Variants in LRRC28 observed in about 807,000 individuals in gnomAD.
LRRC28 encodes leucine rich repeat containing 28.
LRRC28 carries 39 observed loss-of-function variants against 45.7 expected under a neutral mutation model. That is an observed-to-expected ratio of 0.85 (90% CI 0.66 to 1.12). LRRC28 has a LOEUF of 1.12. Among genes scored for constraint, LRRC28 ranks in the 50% most tolerant of loss-of-function variants. The probability of loss-of-function intolerance (pLI) is 0.00; values close to 1 mark genes in which losing one functional copy is unlikely to be tolerated. For synonymous variants in LRRC28, 206 were observed against 178.8 expected (o/e 1.15, Z -1.22); for missense variants, 435 against 438.5 (o/e 0.99, Z 0.07).
At chr15:99,303,582 C>G (rs1341927718) in intron 5 of LRRC28, among the ~76,000 whole-genome samples, 1 of 152,114 alleles carries the variant, frequency 6.6e-6, no homozygotes, top group Admixed American at 6.5e-5. Flanking sequence ...GCCTACAATC[C>G]TAGCACTTTG....
chr15:99,340,503 T>C lies in LRRC28; in HGVS notation c.592+6374T>C, dbSNP rs1372711490. Among the ~76,000 whole-genome samples, 3 of 152,192 alleles carry C rather than the reference T, an allele frequency of 2.0e-5. No individual in the cohort carries two copies. The East Asian group carries it at 5.8e-4, about 29-fold the overall frequency. On this transcript the variant is annotated intron_variant, in intron 6 of 9. Coordinates refer to ENST00000301981, the MANE Select transcript of LRRC28 (RefSeq NM_144598.5). ...AACTTCAATCAACTATTGAAACGAG[T>C]TGGAAACCAGTTAATAATTTCCTAA...
At chr15:99,315,590 C>T (rs893276267) in intron 5 of LRRC28, among the ~76,000 whole-genome samples, 4 of 152,120 alleles carry the variant, frequency 2.6e-5, no homozygotes, top group Admixed American at 6.6e-5. Flanking sequence ...TTGAACCAAT[C>T]ATTTTTTTCT....
At chr15:99,259,086 A>T (rs1446801539) in intron 2 of LRRC28, 8 of 1,145,300 alleles carry the variant, frequency 7.0e-6, no homozygotes, top group Non-Finnish European at 9.3e-6. Context: ...TTTGGTACCA[A>T]CATTAAGCTT....
At chr15:99,356,650 A>G (rs983054531) in intron 7 of LRRC28, among the ~76,000 whole-genome samples, 1 of 152,254 alleles carries the variant, frequency 6.6e-6, no homozygotes, top group Admixed American at 6.5e-5. Flanking sequence ...TTGAAGAAAT[A>G]ATGTTTAAAA....
chr15:99,317,719 T>C (rs1955647064), intron 5 of LRRC28, among the ~76,000 whole-genome samples: 2 of 151,894 alleles, frequency 1.3e-5, no homozygotes, highest in Admixed American at 6.6e-5. Flanking sequence ...GAACATAAAC[T>C]TAATTTGGAA....
chr15:99,299,067 C>G (rs2082333480), intron 5 of LRRC28, among the ~76,000 whole-genome samples: 1 of 152,178 alleles, frequency 6.6e-6, no homozygotes, highest in Non-Finnish European at 1.5e-5. Flanking sequence ...GGAGTAATTT[C>G]TACCATACCG....
intron 5 of LRRC28, among the ~76,000 whole-genome samples, chr15:99,291,763 T>C (rs2082128145): frequency 1.3e-5 from 2 of 152,362 alleles, no homozygotes; most frequent in African/African-American, 4.8e-5. Context: ...GTTTTCAAAG[T>C]GGTTATGCCA....
chr15:99,379,026 T>C (rs1957733765), intron 9 of LRRC28, among the ~76,000 whole-genome samples: 1 of 151,274 alleles, frequency 6.6e-6, no homozygotes, highest in Non-Finnish European at 1.5e-5. Context: ...CTCGCCAGGC[T>C]TTGGTATCAG....
intron 9 of LRRC28, among the ~76,000 whole-genome samples, chr15:99,373,664 T>C (rs563549651): frequency 3.9e-5 from 6 of 152,214 alleles, no homozygotes; most frequent in African/African-American, 1.2e-4. Context: ...CCCAGCCAAC[T>C]TTAATTTTTT....
chr15:99,312,523 AT>A (rs1045788771), intron 5 of LRRC28, among the ~76,000 whole-genome samples: 3 of 152,078 alleles, frequency 2.0e-5, no homozygotes, highest in African/African-American at 4.8e-5. Context: ...TTTACAATTA[AT>A]TTTTTTTATA....
chr15:99,305,964 G>C (rs1464035171), intron 5 of LRRC28, among the ~76,000 whole-genome samples: 1 of 152,214 alleles, frequency 6.6e-6, no homozygotes, highest in Non-Finnish European at 1.5e-5. Flanking sequence ...GCCTTGAGTG[G>C]TAGTAGTTCA....
intron 9 of LRRC28, among the ~76,000 whole-genome samples, chr15:99,382,888 G>C (rs1165352158): frequency 6.6e-6 from 1 of 151,760 alleles, no homozygotes; most frequent in African/African-American, 2.4e-5. Context: ...CTGAGAGTAA[G>C]GTATTGAAGT....
intron 5 of LRRC28, among the ~76,000 whole-genome samples, chr15:99,317,935 A>T (rs1340385713): frequency 6.6e-6 from 1 of 152,198 alleles, no homozygotes; most frequent in East Asian, 1.9e-4. Flanking sequence ...GTGCACAACA[A>T]AAGATTGGTA....
intron 9 of LRRC28, among the ~76,000 whole-genome samples, chr15:99,383,624 GC>G (rs1017332293): frequency 2.4e-4 from 37 of 152,302 alleles, no homozygotes; most frequent in Admixed American, 2.0e-3. Context: ...ATGAACTCTT[GC>G]AGGATTTTTC....
At chr15:99,331,344 C>G (rs554897134) in intron 5 of LRRC28, among the ~76,000 whole-genome samples, 8 of 152,230 alleles carry the variant, frequency 5.3e-5, no homozygotes, top group Admixed American at 2.6e-4. Flanking sequence ...GGCATCAGCA[C>G]ACTTAGAGTG....
chr15:99,347,207 T>C (rs201823422), intron 6 of LRRC28, among the ~76,000 whole-genome samples: 1 of 113,638 alleles, frequency 8.8e-6, no homozygotes, highest in Non-Finnish European at 1.8e-5. Flanking sequence ...GTGAGCTCCC[T>C]TTTTTTTTTT....
chr15:99,289,614 A>G (rs911375113), intron 5 of LRRC28, among the ~76,000 whole-genome samples: 2 of 152,212 alleles, frequency 1.3e-5, no homozygotes, highest in African/African-American at 2.4e-5. Context: ...TTCTGGCCTT[A>G]ATATATAGAT....
chr15:99,294,357 G>T (rs544050652), intron 5 of LRRC28, among the ~76,000 whole-genome samples: 1 of 151,594 alleles, frequency 6.6e-6, no homozygotes, highest in South Asian at 2.1e-4. Flanking sequence ...TTAATGTAAT[G>T]TTTTTCTTGC....
chr15:99,323,447 T>C (rs1310980029), intron 5 of LRRC28, among the ~76,000 whole-genome samples: 1 of 152,216 alleles, frequency 6.6e-6, no homozygotes, highest in African/African-American at 2.4e-5. Context: ...TTGCGTTGTT[T>C]GATAATTGCA....
Sources: allele counts gnomAD v4.1 joint callset (sites outside exome capture counted in the v4.1 genomes callset), GRCh38; gene constraint gnomAD v4.1.1; transcripts MANE v1.5; gene names NCBI Gene and HGNC (gene_info 2026-07-23, HGNC 2026-07-21).